The following CACNA1E variants were observed in gnomAD, a reference collection of about 807,000 sequenced individuals.
CACNA1E encodes voltage-dependent R-type calcium channel subunit alpha-1E.
CACNA1E carries 40 observed loss-of-function variants against 259.2 expected under a neutral mutation model. The observed-to-expected ratio is 0.15, with a 90% CI of 0.12 to 0.20. The LOEUF (loss-of-function observed/expected upper bound fraction) is 0.20. Ranked by LOEUF, CACNA1E falls within the 10% of genes least tolerant of loss-of-function variation. CACNA1E has a pLI of 1.00. For synonymous variants in CACNA1E, 1,104 were observed against 1,138.5 expected (o/e 0.97, Z 0.61); for missense variants, 1,874 against 3,040.1 (o/e 0.62, Z 9.02).
intron 7 of CACNA1E, chr1:181,668,667 A>G (rs1162908672): frequency 6.6e-6 from 1 of 152,194 alleles, no homozygotes; most frequent in Non-Finnish European, 1.5e-5. Flanking sequence ...TAGAAAATTA[A>G]ATAATATACA....
chr1:181,528,752 A>G (rs1667548815), intron 3 of CACNA1E, among the ~76,000 whole-genome samples: 3 of 152,154 alleles, frequency 2.0e-5, no homozygotes, highest in African/African-American at 7.2e-5. Flanking sequence ...TGGAACTTTG[A>G]ACTTGAGAGA....
intron 27 of CACNA1E, among the ~76,000 whole-genome samples, chr1:181,753,218 G>A (rs1657756769): frequency 6.6e-6 from 1 of 152,214 alleles, no homozygotes; most frequent in Non-Finnish European, 1.5e-5. Flanking sequence ...ATCATGCAGT[G>A]CTTCTCAAGG....
chr1:181,668,763 C>T (rs886830593), intron 7 of CACNA1E: 8 of 152,078 alleles, frequency 5.3e-5, no homozygotes, highest in Admixed American at 2.0e-4. Flanking sequence ...GGCATGGTGA[C>T]TCATGCCTGT....
At chr1:181,719,320 G>A (rs1654218747) in intron 12 of CACNA1E, among the ~76,000 whole-genome samples, 1 of 152,202 alleles carries the variant, frequency 6.6e-6, no homozygotes, top group African/African-American at 2.4e-5. Flanking sequence ...ATGACTGAAA[G>A]ATATTTATTA....
chr1:181,502,675 G>GT (rs1665357685), intron 1 of CACNA1E, among the ~76,000 whole-genome samples: 1 of 152,156 alleles, frequency 6.6e-6, no homozygotes, highest in South Asian at 2.1e-4. Flanking sequence ...GGCCAGGGCT[G>GT]TTTTTGCTTG....
At chr1:181,662,152 G>A (rs1427241262) in intron 7 of CACNA1E, among the ~76,000 whole-genome samples, 1 of 152,152 alleles carries the variant, frequency 6.6e-6, no homozygotes, top group African/African-American at 2.4e-5. Flanking sequence ...AAAGCTTATG[G>A]GAGCTTGCTG....
rs1174915715 is a variant in CACNA1E, at chr1:181,738,504, T to G, written c.3612+78T>G. The G allele has an allele frequency of 2.0e-5, 23 of 1,161,250 alleles. No homozygotes were observed. The Admixed American group carries it at 3.1e-4, about 16-fold the overall frequency. The allele number at this position is 1,161,250 out of a possible 1,614,324, so 71.9% of individuals were successfully genotyped here. The stretch of plus-strand genomic sequence containing the variant: ...CTGCTCCTTAGGCTAGAGCCCTTCC[T>G]CAGTGTTACCACCTACCAGCCAATG... On this transcript the variant is annotated intron_variant, in intron 24 of 47. Transcript: ENST00000367573.
chr1:181,633,175 G>A (rs532367194), intron 6 of CACNA1E, among the ~76,000 whole-genome samples: 6 of 152,118 alleles, frequency 3.9e-5, no homozygotes, highest in Admixed American at 6.5e-5. Flanking sequence ...CCCTTCAGAG[G>A]TGTCTCTAAT....
intron 1 of CACNA1E, among the ~76,000 whole-genome samples, chr1:181,508,013 T>C (rs944991830): frequency 2.6e-5 from 4 of 152,164 alleles, no homozygotes; most frequent in Admixed American, 1.3e-4. Flanking sequence ...TCTTGGGGAC[T>C]GGCAGACAGA....
chr1:181,726,384 A>G (rs957927357), intron 18 of CACNA1E, among the ~76,000 whole-genome samples: 8 of 152,250 alleles, frequency 5.3e-5, no homozygotes, highest in Non-Finnish European at 1.2e-4. Context: ...GACAGGTGCT[A>G]TAAGTAAATG....
At chr1:181,569,258 A>G (rs912514478) in intron 3 of CACNA1E, among the ~76,000 whole-genome samples, 5 of 152,226 alleles carry the variant, frequency 3.3e-5, no homozygotes, top group African/African-American at 4.8e-5. Context: ...GGTCAGAAGT[A>G]TCTCGATTGT....
chr1:181,460,350 A>G (rs1423394116), intron 2 of CACNA1E, among the ~76,000 whole-genome samples: 2 of 152,106 alleles, frequency 1.3e-5, no homozygotes, highest in Non-Finnish European at 2.9e-5. Context: ...CCAGAGTGGG[A>G]GCAGTGGTGG....
In CACNA1E at chr1:181,736,265, C is replaced by A; in HGVS notation, c.3263-10C>A. 6.3e-7 allele frequency: 1 copy of A among 1,575,636 alleles called. No individual in the cohort carries two copies. The highest frequency in any genetic ancestry group is 8.6e-7 in the Non-Finnish European group (1 of 1,160,130). On this transcript the variant is annotated splice_polypyrimidine_tract_variant and intron_variant, in intron 21 of 47. Coordinates refer to ENST00000367573, the MANE Select transcript of CACNA1E (RefSeq NM_001205293.3). The stretch of plus-strand genomic sequence containing the variant: ...TGATTTCTGAAGATTTCAACGTGTT[C>A]CTCTTGCAGTTAGCAACAAGACGGA...
chr1:181,458,851 ATCCATC>A (rs1661624695), intron 2 of CACNA1E, among the ~76,000 whole-genome samples: 2 of 148,674 alleles, frequency 1.3e-5, no homozygotes, highest in Non-Finnish European at 2.9e-5. Context: ...CCATCCATCC[ATCCATC>A]CATCCATCCA....
chr1:181,638,205 C>T (rs1657415670), intron 6 of CACNA1E, among the ~76,000 whole-genome samples: 1 of 152,142 alleles, frequency 6.6e-6, no homozygotes, highest in Non-Finnish European at 1.5e-5. Flanking sequence ...GTACAACTAG[C>T]CAGGGAATTT....
At chr1:181,622,696 TG>T (rs1324106152) in intron 6 of CACNA1E, among the ~76,000 whole-genome samples, 1 of 152,190 alleles carries the variant, frequency 6.6e-6, no homozygotes, top group Non-Finnish European at 1.5e-5. Context: ...GTTATGGCCT[TG>T]GGGTGAATTT....
In CACNA1E at chr1:181,717,130, G is replaced by C; in HGVS notation, c.1353G>C (p.Lys451Asn). ...CCCGAGCCAGTATCAAAAGTGCAAA[G>C]GTAGACGGGGTCTCTTATTTCCGGC... is the stretch of plus-strand genomic sequence containing the variant. Reference protein sequence around the residue: ...PLARASIKSAKVDGVSYFRHK... With the variant: ...PLARASIKSANVDGVSYFRHK... Residue 451 changes from lysine to asparagine, a missense_variant, in exon 11 of 48, where the codon AAG becomes AAC. By Grantham distance (94) the Lys-to-Asn change is moderately conservative (BLOSUM62 0). This residue lies in a region of CACNA1E where 157 missense variants were observed against 203.5 expected (regional missense o/e 0.77). Coordinates refer to ENST00000367573, the MANE Select transcript of CACNA1E (RefSeq NM_001205293.3). The C allele has an allele frequency of 6.2e-7, 1 of 1,614,068 alleles. No homozygotes were observed. Among genetic ancestry groups the C allele is most frequent in the Non-Finnish European group, 8.5e-7 (1 of 1,179,902 alleles).
At chr1:181,435,870 A>G (rs1279012838) in intron 2 of CACNA1E, among the ~76,000 whole-genome samples, 1 of 152,234 alleles carries the variant, frequency 6.6e-6, no homozygotes, top group Non-Finnish European at 1.5e-5. Context: ...CAATAACCTA[A>G]CATTATAACA....
intron 2 of CACNA1E, among the ~76,000 whole-genome samples, chr1:181,472,740 C>T (rs966992962): frequency 1.3e-5 from 2 of 152,182 alleles, no homozygotes; most frequent in African/African-American, 2.4e-5. Context: ...TGCGCGCGCA[C>T]TTGAGGTATT....
Sources: gnomAD v4.1 joint callset for allele counts (sites outside exome capture counted in the v4.1 genomes callset) on GRCh38, gnomAD v4.1.1 for gene constraint, gnomAD v4.1.1 regional missense constraint, MANE v1.5 for transcripts, NCBI Gene and HGNC (gene_info 2026-07-23, HGNC 2026-07-21) for gene names.